The following AUTS2 variants were observed in gnomAD, a reference collection of about 807,000 sequenced individuals.
AUTS2 encodes the protein autism susceptibility gene 2 protein.
AUTS2 carries 17 observed loss-of-function variants against 112.4 expected under a neutral mutation model. The observed-to-expected ratio is 0.15, with a 90% confidence interval of 0.10 to 0.23. AUTS2 has a LOEUF of 0.23. Among genes scored for constraint, AUTS2 ranks in the 10% least tolerant of loss-of-function variants. AUTS2 has a pLI of 1.00. For synonymous variants in AUTS2, 751 were observed against 702.7 expected (o/e 1.07, Z -1.09); for missense variants, 1,510 against 1,701.6 (o/e 0.89, Z 1.98).
chr7:70,695,398 C>G (rs1809030774), intron 5 of AUTS2, among the ~76,000 whole-genome samples: 1 of 152,244 alleles, frequency 6.6e-6, no homozygotes, highest in African/African-American at 2.4e-5. Flanking sequence ...TGGCGCTGCC[C>G]GCTCCTGGGG....
chr7:70,618,621 C>G (rs145092207), intron 5 of AUTS2, among the ~76,000 whole-genome samples: 1 of 152,126 alleles, frequency 6.6e-6, no homozygotes, highest in Non-Finnish European at 1.5e-5. Context: ...AAGCTGTTTC[C>G]CCAGCAAAGC....
chr7:70,300,609 A>AT (rs1336490850), intron 4 of AUTS2, among the ~76,000 whole-genome samples: 1 of 152,044 alleles, frequency 6.6e-6, no homozygotes, highest in Non-Finnish European at 1.5e-5. Flanking sequence ...CTTTTTGAGA[A>AT]TTTTTTGGGG....
intron 14 of AUTS2, 196 bp from the exon 15 acceptor site, chr7:70,781,419 C>T: frequency 2.2e-6 from 1 of 446,922 alleles, no homozygotes. Context: ...CTAGACATTT[C>T]TGGTGTAACA....
At chr7:70,768,115 T>C (rs745352248) in intron 10 of AUTS2, 47 bp downstream of exon 10, 66 of 1,547,044 alleles carry the variant, frequency 4.3e-5, no homozygotes, top group Non-Finnish European at 5.6e-5. Flanking sequence ...TGCTTTGCCA[T>C]TTTTGTGCTC....
intron 1 of AUTS2, among the ~76,000 whole-genome samples, chr7:69,822,873 T>C (rs1051275230): frequency 1.3e-5 from 2 of 152,178 alleles, no homozygotes; most frequent in African/African-American, 4.8e-5. Flanking sequence ...GGTTGCAATT[T>C]TAGAAATAAA....
At chr7:70,486,398 G>A (rs1798000099) in intron 5 of AUTS2, among the ~76,000 whole-genome samples, 2 of 152,344 alleles carry the variant, frequency 1.3e-5, no homozygotes, top group African/African-American at 4.8e-5. Flanking sequence ...TATGTCAAGT[G>A]CTTATTAGTG....
intron 5 of AUTS2, among the ~76,000 whole-genome samples, chr7:70,625,067 G>T (rs1224543235): frequency 6.6e-6 from 1 of 152,022 alleles, no homozygotes; most frequent in East Asian, 1.9e-4. Context: ...AGATCTCTGT[G>T]GTCCTTGGCT....
At chr7:70,675,848 G>C (rs1425372867) in intron 5 of AUTS2, among the ~76,000 whole-genome samples, 1 of 152,188 alleles carries the variant, frequency 6.6e-6, no homozygotes, top group Non-Finnish European at 1.5e-5. Flanking sequence ...TGAGGCAGAA[G>C]CAGCGAGACT....
chr7:70,500,099 A>G (rs941394350), intron 5 of AUTS2, among the ~76,000 whole-genome samples: 1 of 151,664 alleles, frequency 6.6e-6, no homozygotes, highest in Non-Finnish European at 1.5e-5. Context: ...CCTAATCACA[A>G]CTACACGTTT....
chr7:70,327,154 G>T (rs1281812824), intron 4 of AUTS2, among the ~76,000 whole-genome samples: 3 of 152,102 alleles, frequency 2.0e-5, no homozygotes, highest in Admixed American at 2.0e-4. Flanking sequence ...CTGACCTCAG[G>T]TGATCTGCCC....
intron 2 of AUTS2, among the ~76,000 whole-genome samples, chr7:70,023,525 C>T (rs909166081): frequency 1.3e-5 from 2 of 152,108 alleles, no homozygotes; most frequent in African/African-American, 4.8e-5. Context: ...TTTCAACTTT[C>T]CTATGCCTTG....
chr7:70,268,452 C>T lies in AUTS2; in HGVS notation c.660+133881C>T, dbSNP rs376292990. Among the ~76,000 whole-genome samples, 19 of 152,272 alleles carry T rather than the reference C, an allele frequency of 1.2e-4. No individual in the cohort carries two copies. The East Asian group carries it at 2.1e-3, about 17-fold the overall frequency. ...CTTAGTACAGTCTTTGTTTTTATCA[C>T]GATAGGGACCATTATTTGTTTATTA... On this transcript the variant is annotated intron_variant, in intron 4 of 18. Coordinates refer to ENST00000342771, the MANE Select transcript of AUTS2 (RefSeq NM_015570.4).
At position 70,698,631 on chromosome 7, in the gene AUTS2, T is replaced by G; in HGVS notation, c.742+11T>G. On this transcript the variant is annotated intron_variant, in intron 6 of 18. Transcript: ENST00000342771. Reference sequence around the variant, plus strand: ...TTATTGTAAACAAAGGTAAGACCCATTCATTCTCCTGAGTAATGGCTTATT... The same window carrying G: ...TTATTGTAAACAAAGGTAAGACCCAGTCATTCTCCTGAGTAATGGCTTATT... 6.3e-7 allele frequency: 1 copy of G among 1,596,022 alleles called. No individual in the cohort carries two copies. The highest frequency in any genetic ancestry group is 8.5e-7 in the Non-Finnish European group (1 of 1,169,876).
At chr7:70,497,553 C>T (rs952547742) in intron 5 of AUTS2, among the ~76,000 whole-genome samples, 3 of 152,162 alleles carry the variant, frequency 2.0e-5, no homozygotes, top group Non-Finnish European at 4.4e-5. Flanking sequence ...GAATAATATC[C>T]TCATGCATGT....
At chr7:70,415,982 A>G (rs575684619) in intron 4 of AUTS2, among the ~76,000 whole-genome samples, 1 of 152,320 alleles carries the variant, frequency 6.6e-6, no homozygotes, top group East Asian at 1.9e-4. Flanking sequence ...CGTGTGAGAG[A>G]GAAGCCCTTC....
chr7:69,622,069 TG>T (rs1283463408), intron 1 of AUTS2, among the ~76,000 whole-genome samples: 1 of 152,194 alleles, frequency 6.6e-6, no homozygotes, highest in Non-Finnish European at 1.5e-5. Context: ...CCTTGATTCT[TG>T]GTGTTTTAGA....
chr7:69,669,349 A>G (rs1329522746), intron 1 of AUTS2, among the ~76,000 whole-genome samples: 3 of 152,064 alleles, frequency 2.0e-5, no homozygotes, highest in Non-Finnish European at 4.4e-5. Flanking sequence ...GTGTATGTAC[A>G]ATATATATGT....
chr7:70,129,781 G>A (rs940448434), intron 3 of AUTS2, among the ~76,000 whole-genome samples: 2 of 152,112 alleles, frequency 1.3e-5, no homozygotes, highest in Admixed American at 1.3e-4. Flanking sequence ...TGAATAATTG[G>A]TGTTGGAAGT....
At chr7:69,809,860 A>C (rs1362529262) in intron 1 of AUTS2, among the ~76,000 whole-genome samples, 1 of 152,212 alleles carries the variant, frequency 6.6e-6, no homozygotes, top group East Asian at 1.9e-4. Context: ...CTCATCAGCT[A>C]TTTGTTAGAA....
Sources: gnomAD v4.1 joint callset for allele counts (sites outside exome capture counted in the v4.1 genomes callset) on GRCh38, gnomAD v4.1.1 for gene constraint, MANE v1.5 for transcripts, NCBI Gene and HGNC (gene_info 2026-07-23, HGNC 2026-07-21) for gene names.